Variants in MTSS1 observed in about 807,000 individuals in gnomAD.
The protein encoded by MTSS1 is protein MTSS 1.
A neutral mutation model predicts 79.0 loss-of-function variants in MTSS1; 18 were observed. The ratio of observed to expected loss-of-function variants is 0.23; its 90% CI spans 0.16 to 0.34. The LOEUF is 0.34. Among genes scored for constraint, MTSS1 ranks in the 10% least tolerant of loss-of-function variants. MTSS1 has a pLI of 1.00. For synonymous variants in MTSS1, 341 were observed against 368.6 expected, an observed-to-expected ratio of 0.93 and a Z score of 0.86; for missense variants, 815 against 986.2, an observed-to-expected ratio of 0.83 and a Z score of 2.33.
chr8:124,725,530 A>G (rs1564065807), intron 1 of MTSS1, among the ~76,000 whole-genome samples: 1 of 152,158 alleles, frequency 6.6e-6, no homozygotes, highest in Non-Finnish European at 1.5e-5. Flanking sequence ...GGCATTCCAA[A>G]TGGGTTTCCG....
chr8:124,588,368 A>G (rs1439587938), intron 5 of MTSS1, among the ~76,000 whole-genome samples: 1 of 152,186 alleles, frequency 6.6e-6, no homozygotes, highest in African/African-American at 2.4e-5. Flanking sequence ...TGTAGCCCCC[A>G]TAGCGCCTAG....
rs573248971 is a variant in MTSS1 at position 124,601,505 on chromosome 8, T to C, written c.209-10270A>G. Among the ~76,000 whole-genome samples, 19 of 152,324 alleles carry C rather than the reference T, an allele frequency of 1.2e-4. 1 individual carries two copies. The South Asian group carries it at 3.9e-3, about 32-fold the overall frequency. On this transcript the variant is annotated intron_variant, in intron 3 of 13. Coordinates refer to ENST00000518547, the MANE Select transcript of MTSS1 (RefSeq NM_014751.6). ...GACGCTCAGGGCCACTTAGGGACAC[T>C]GCTGCAATGGCTCATGGCAGGTTGT...
intron 3 of MTSS1, among the ~76,000 whole-genome samples, chr8:124,669,990 G>A (rs1015923058): frequency 1.7e-4 from 26 of 152,134 alleles, no homozygotes; most frequent in Non-Finnish European, 7.4e-5. Context: ...TTTACTGAGC[G>A]CCAGGTACTG....
intron 6 of MTSS1, chr8:124,580,643 C>T: frequency 6.8e-7 from 1 of 1,468,064 alleles, no homozygotes; most frequent in South Asian, 1.2e-5. Context: ...AACTGGTATT[C>T]AAGCAGCAGC....
At chr8:124,686,272 C>T (rs572537357) in intron 3 of MTSS1, among the ~76,000 whole-genome samples, 4 of 152,156 alleles carry the variant, frequency 2.6e-5, no homozygotes, top group African/African-American at 9.6e-5. Context: ...GCAACACGAA[C>T]GGGAACTCAA....
chr8:124,673,431 G>A (rs918054891), intron 3 of MTSS1: 2 of 151,894 alleles, frequency 1.3e-5, no homozygotes, highest in African/African-American at 4.8e-5. Flanking sequence ...CCTGCACGTG[G>A]AGTAAAAGCT....
In MTSS1 at chr8:124,565,886, TA is replaced by T. The variant is rs569207234; in HGVS notation, c.727-128del. 1.4e-3 allele frequency: 856 copies of T among 610,864 alleles called. 2 individuals carry two copies. The highest frequency in any genetic ancestry group is 0.012 in the African/African-American group (633 of 53,562). 37.8% of individuals were successfully genotyped at this position (610,864 alleles called of 1,614,324 possible). A position where few individuals can be genotyped will look rare whatever the true frequency, so the allele number is the denominator to read the frequency against. ...GGGTGGGAATGAAAGCAAAACATGT[TA>T]AAAAAATTTTTTTTAAATTGAAGAG... On this transcript the variant is annotated intron_variant, in intron 8 of 13. Transcript: ENST00000518547.
intron 3 of MTSS1, among the ~76,000 whole-genome samples, chr8:124,621,632 C>T (rs1029419077): frequency 1.2e-4 from 19 of 152,206 alleles, no homozygotes; most frequent in Non-Finnish European, 2.2e-4. Context: ...GCAACCTCCA[C>T]CTCCCGGGTT....
At chr8:124,668,539 T>G (rs1023630751) in intron 3 of MTSS1, among the ~76,000 whole-genome samples, 1 of 152,190 alleles carries the variant, frequency 6.6e-6, no homozygotes, top group Non-Finnish European at 1.5e-5. Flanking sequence ...GTAGCCCCTT[T>G]GTGTCAGGAT....
At chr8:124,715,309 A>G (rs75197780) in intron 1 of MTSS1, among the ~76,000 whole-genome samples, 7,313 of 151,548 alleles carry the variant, frequency 0.048, 240 homozygotes, top group Middle Eastern at 0.11. Context: ...TATTCATTCC[A>G]TATTCCCTTT....
chr8:124,573,830 G>C (rs1303707623), intron 6 of MTSS1, among the ~76,000 whole-genome samples: 1 of 152,160 alleles, frequency 6.6e-6, no homozygotes, highest in Admixed American at 6.5e-5. Context: ...TAGTTTCCAG[G>C]TCTTGTGTAT....
chr8:124,556,051 CCT>C, intron 12 of MTSS1, 147 bp from the exon 13 acceptor site: 3 of 1,540,766 alleles, frequency 1.9e-6, no homozygotes, highest in Non-Finnish European at 2.6e-6. Context: ...GAAAGTTCTG[CCT>C]CTCTCATTCC....
chr8:124,627,532 T>TTCCTCC (rs1395455855), intron 3 of MTSS1, among the ~76,000 whole-genome samples: 9 of 152,258 alleles, frequency 5.9e-5, no homozygotes, highest in African/African-American at 2.2e-4. Flanking sequence ...TTCTCAACTC[T>TTCCTCC]TCCTCCACAG....
rs1554664895 is a variant in MTSS1, at chr8:124,601,073, T to TTTC, written c.209-9839_209-9838insGAA. On this transcript the variant is annotated intron_variant, in intron 3 of 13. Transcript: ENST00000518547. ...TTCCCTTGACTGTAATTTTTTTTTT[T>TTTC]TTTTTTTTTTTGAGTCTCACTCTGT... Among the ~76,000 whole-genome samples the TTTC allele has an allele frequency of 4.7e-3, 687 of 147,596 alleles. 5 individuals are homozygous for TTTC. Among genetic ancestry groups the TTTC allele is most frequent in the African/African-American group, 0.017 (663 of 39,744 alleles).
intron 3 of MTSS1, among the ~76,000 whole-genome samples, chr8:124,670,753 T>C (rs1235629160): frequency 6.6e-6 from 1 of 152,120 alleles, no homozygotes; most frequent in African/African-American, 2.4e-5. Context: ...GGCTCTTAAT[T>C]ACTAAGAAAC....
chr8:124,555,730 G>C lies in MTSS1; in HGVS notation c.1567+12C>G. ...CAGAAAGCCTAAGTGCACACCCCAGGCTGCCTCGTACCTTGGGAAGGGATG... is the reference window on the plus strand; with the variant it reads ...CAGAAAGCCTAAGTGCACACCCCAGCCTGCCTCGTACCTTGGGAAGGGATG... On this transcript the variant is annotated intron_variant, in intron 13 of 13. Transcript: ENST00000518547. The C allele has an allele frequency of 6.3e-7, 1 of 1,597,052 alleles. No homozygotes were observed. The highest frequency in any genetic ancestry group is 8.5e-7 in the Non-Finnish European group (1 of 1,171,666).
At chr8:124,602,207 A>ACACACACATATATATATATATATATAT in intron 3 of MTSS1, among the ~76,000 whole-genome samples, 1 of 142,224 alleles carries the variant, frequency 7.0e-6, no homozygotes, top group African/African-American at 2.7e-5. Context: ...ATATATATAT[A>ACACACACATATATATATATATATATAT]ATTTTTTTTT....
In MTSS1 at chr8:124,553,249, C is replaced by T. The variant is rs776044487; in HGVS notation, c.2011G>A (p.Val671Ile). The change falls in exon 14 of 14, where the codon GTT becomes ATT. Residue 671 changes from valine (V) to isoleucine (I), a missense_variant. By Grantham distance (29) the Val-to-Ile change is conservative. Coordinates refer to ENST00000518547, the MANE Select transcript of MTSS1 (RefSeq NM_014751.6). The surrounding 1 kb of genome is among the most constrained non-coding windows in gnomAD (Gnocchi z 6.0). ...PSSMWSGQAS[V>I]NPPLPGPKPS... ...TTCGGGCCTGGAAGTGGAGGGTTAA[C>T]GGAAGCTTGGCCGCTCCACATTGAG... is the stretch of plus-strand genomic sequence containing the variant. 11 of 1,613,998 alleles carry T rather than the reference C, an allele frequency of 6.8e-6. No individual in the cohort carries two copies. Among genetic ancestry groups the T allele is most frequent in the African/African-American group, 2.7e-5 (2 of 74,890 alleles).
intron 3 of MTSS1, among the ~76,000 whole-genome samples, chr8:124,676,325 G>A (rs1161795252): frequency 6.6e-6 from 1 of 152,164 alleles, no homozygotes; most frequent in African/African-American, 2.4e-5. Context: ...GACATGGAAA[G>A]AAAAATGATA....
Sources: allele counts gnomAD v4.1 joint callset (sites outside exome capture counted in the v4.1 genomes callset), GRCh38; gene constraint gnomAD v4.1.1; non-coding constraint Gnocchi (gnomAD v3.1); transcripts MANE v1.5; gene names NCBI Gene and HGNC (gene_info 2026-07-23, HGNC 2026-07-21).